The following ARMCX4 variants were observed in gnomAD, a reference collection of about 807,000 sequenced individuals.
ARMCX4 encodes the protein armadillo repeat-containing X-linked protein 4.
A neutral mutation model predicts 34.7 loss-of-function variants in ARMCX4; 3 were observed. That is an observed-to-expected ratio of 0.09 (90% CI 0.04 to 0.22). The LOEUF (loss-of-function observed/expected upper bound fraction) is 0.22, where lower values mean the gene tolerates loss of function less well. Among genes scored for constraint, ARMCX4 ranks in the 10% least tolerant of loss-of-function variants. The probability of loss-of-function intolerance (pLI) is 1.00; values close to 1 mark genes in which losing one functional copy is unlikely to be tolerated. For missense variants in ARMCX4, 1,448 were observed against 1,720.8 expected (o/e 0.84, Z 2.81); for synonymous variants, 513 against 632.8 (o/e 0.81, Z 2.84).
Position 101,490,313 on chromosome X carries a change from C to T in ARMCX4, c.1724C>T (p.Thr575Ile). 8 of 1,153,997 alleles carry T rather than the reference C, an allele frequency of 6.9e-6. No homozygotes were observed. Among genetic ancestry groups the T allele is most frequent in the Non-Finnish European group, 9.2e-6 (8 of 872,182 alleles). Residue 575 changes from threonine to isoleucine, a missense_variant, in exon 6 of 6, where the codon ACT becomes ATT. This residue lies in a region of ARMCX4 where 1,343 missense variants were observed against 1,540.7 expected (regional missense o/e 0.87). Coordinates refer to ENST00000423738, the MANE Select transcript of ARMCX4 (RefSeq NM_001256155.3). Reference protein sequence around the residue: ...RVDGRGNPNATSKAGTKADQR... With the variant: ...RVDGRGNPNAISKAGTKADQR... ...GATGGTAGGGGCAATCCTAATGCCA[C>T]TTCTAAAGCCGGGACTAAGGCAGAC... is the stretch of plus-strand genomic sequence containing the variant.
intron 4 of ARMCX4, among the ~76,000 whole-genome samples, chrX:101,457,735 CA>C (rs1329445452): frequency 9.1e-6 from 1 of 110,103 alleles, no homozygotes; most frequent in Non-Finnish European, 1.9e-5. Flanking sequence ...AACAAACAAA[CA>C]AAACCCCCCA....
At chrX:101,506,346 G>A (rs1190423459) in intron 8 of ARMCX4, among the ~76,000 whole-genome samples, 2 of 111,634 alleles carry the variant, frequency 1.8e-5, no homozygotes, top group Non-Finnish European at 1.9e-5. Context: ...TACTTGGGCC[G>A]CTACAACAAA....
At chrX:101,449,197 C>T (rs1931836241), downstream of ARMCX4, among the ~76,000 whole-genome samples, 1 of 112,177 alleles carries the variant, frequency 8.9e-6, no homozygotes, top group Non-Finnish European at 1.9e-5. Context: ...TGAGCCACCT[C>T]GCCTGGGTCA....
chrX:101,448,986 G>A (rs1931823052), downstream of ARMCX4, among the ~76,000 whole-genome samples: 1 of 100,726 alleles, frequency 9.9e-6, no homozygotes, highest in East Asian at 3.1e-4. Context: ...ATCTTGGCTC[G>A]CTGCAACCTC....
rs1324795472 is a variant in ARMCX4 at position 101,491,148 on chromosome X, TGTC to T, written c.2562_2564del (p.Val855del). On this transcript the variant is annotated inframe_deletion, in exon 6 of 6. Coordinates refer to ENST00000423738, the MANE Select transcript of ARMCX4 (RefSeq NM_001256155.3). ...AGAATAAGGTCAAGGGCAATCCCAATGTCGTGTCTAAGGCAGGGGCCAGAGAAG... is the reference window on the plus strand; with the variant it reads ...AGAATAAGGTCAAGGGCAATCCCAATGTGTCTAAGGCAGGGGCCAGAGAAG... 9 of 1,155,017 alleles carry T rather than the reference TGTC, an allele frequency of 7.8e-6. No individual in the cohort carries two copies. The African/African-American group carries it at 1.6e-4, about 21-fold the overall frequency.
At chrX:101,519,553 T>G (rs1340271318) in intron 11 of ARMCX4, among the ~76,000 whole-genome samples, 2 of 111,724 alleles carry the variant, frequency 1.8e-5, no homozygotes, top group Non-Finnish European at 3.8e-5. Context: ...ATTCCACATT[T>G]TCTTTCTCCA....
chrX:101,522,384 C>T lies in ARMCX4; in HGVS notation c.*1781-9260C>T, dbSNP rs150138948. 5.0e-3 allele frequency among the ~76,000 whole-genome samples: 555 copies of T among 111,728 alleles called. 2 individuals are homozygous for T. The highest frequency in any genetic ancestry group is 0.017 in the African/African-American group (523 of 30,831). On this transcript the variant is annotated intron_variant and NMD_transcript_variant, in intron 11 of 12. Coordinates refer to the ARMCX4 transcript ENST00000354842. Reference sequence around the variant, plus strand: ...TTTCAACTTGTTTGTGTCTTTGAATCTGAAGTGTGTCTCTTATAGACAGCA... The same window carrying T: ...TTTCAACTTGTTTGTGTCTTTGAATTTGAAGTGTGTCTCTTATAGACAGCA...
chrX:101,475,594 G>A (rs1291712754), intron 4 of ARMCX4, among the ~76,000 whole-genome samples: 1 of 111,645 alleles, frequency 9.0e-6, no homozygotes, highest in Admixed American at 9.5e-5. Flanking sequence ...CACTTAAAAA[G>A]AGACAGTGAC....
At chrX:101,428,297 G>A (rs1395696872) in intron 2 of ARMCX4, among the ~76,000 whole-genome samples, 2 of 112,144 alleles carry the variant, frequency 1.8e-5, no homozygotes, top group African/African-American at 6.5e-5. Flanking sequence ...AGTATATACT[G>A]TATTATTACA....
intron 4 of ARMCX4, among the ~76,000 whole-genome samples, chrX:101,460,608 C>T (rs1391321271): frequency 1.8e-5 from 2 of 111,163 alleles, no homozygotes; most frequent in African/African-American, 6.5e-5. Context: ...TGATGCTGGG[C>T]GGGGTATGGC....
At chrX:101,424,959 T>C (rs1488292748) in intron 2 of ARMCX4, among the ~76,000 whole-genome samples, 1 of 111,775 alleles carries the variant, frequency 8.9e-6, no homozygotes, top group African/African-American at 3.3e-5. Context: ...GATATATAAA[T>C]TGTGTGCTAT....
At chrX:101,480,398 T>C (rs186270558) in intron 4 of ARMCX4, among the ~76,000 whole-genome samples, 25 of 110,163 alleles carry the variant, frequency 2.3e-4, no homozygotes, top group African/African-American at 7.3e-4. Context: ...TGAGACCCTG[T>C]CTCTACAAAA....
At chrX:101,478,371 G>T (rs1388830943) in intron 4 of ARMCX4, among the ~76,000 whole-genome samples, 1 of 111,959 alleles carries the variant, frequency 8.9e-6, no homozygotes, top group African/African-American at 3.2e-5. Context: ...TGGATAAGAA[G>T]CTTCTATGTT....
chrX:101,450,618 C>T (rs368156059), downstream of ARMCX4, among the ~76,000 whole-genome samples: 13 of 111,965 alleles, frequency 1.2e-4, no homozygotes, highest in East Asian at 8.4e-4. Flanking sequence ...CTTTTCCCTC[C>T]GCTTTTCTCA....
At chrX:101,507,600 C>G (rs1039431812) in intron 8 of ARMCX4, among the ~76,000 whole-genome samples, 2 of 111,142 alleles carry the variant, frequency 1.8e-5, no homozygotes, top group Non-Finnish European at 3.8e-5. Context: ...CTTGCTTTCC[C>G]TACATCCTAT....
chrX:101,431,831 C>CTG lies in ARMCX4; in HGVS notation n.165-12221_165-12220insTG, dbSNP rs1930045432. Among the ~76,000 whole-genome samples, 7 of 112,575 alleles carry CTG rather than the reference C, an allele frequency of 6.2e-5. No individual in the cohort carries two copies. In the Admixed American group the frequency reaches 6.6e-4, roughly 11 times the overall value. On this transcript the variant is annotated intron_variant and non_coding_transcript_variant, in intron 2 of 3. Coordinates refer to the ARMCX4 transcript ENST00000430461. ...GTGCTGGGATTATAGGCGTGAGCCA[C>CTG]CACGCCTGGCCTGCACCATGTTTCT...
chrX:101,483,036 T>C (rs1603203820), upstream of ARMCX4, among the ~76,000 whole-genome samples: 1 of 106,797 alleles, frequency 9.4e-6, no homozygotes, highest in East Asian at 2.9e-4. Flanking sequence ...GCTGGGGTTA[T>C]AAGCGCCTGC....
At chrX:101,487,583 C>G in intron 3 of ARMCX4, 25 bp from the exon 4 acceptor site, 1 of 872,716 alleles carries the variant, frequency 1.1e-6, no homozygotes, top group Non-Finnish European at 1.5e-6. Context: ...TTTCCATTAC[C>G]TACTGTTTGT....
intron 11 of ARMCX4, chrX:101,524,575 G>T (rs1335227917): frequency 8.9e-6 from 1 of 112,100 alleles, no homozygotes; most frequent in Admixed American, 9.4e-5. Context: ...AGCAATGACA[G>T]ATGGTACCTG....
Sources: gnomAD v4.1 joint callset for allele counts (sites outside exome capture counted in the v4.1 genomes callset) on GRCh38, gnomAD v4.1.1 for gene constraint, gnomAD v4.1.1 regional missense constraint, MANE v1.5 for transcripts, NCBI Gene and HGNC (gene_info 2026-07-23, HGNC 2026-07-21) for gene names.